The following ULK4 variants were observed in gnomAD, a reference collection of about 807,000 sequenced individuals.
ULK4 encodes inactive serine/threonine-protein kinase ULK4.
Under a neutral mutation model 160.6 loss-of-function variants are expected in ULK4, and 133 were observed. That is an observed-to-expected ratio of 0.83 (90% CI 0.72 to 0.96). ULK4 has a LOEUF of 0.96. ULK4 is among the 40% of genes least tolerant of loss of function. ULK4 has a pLI of 0.00. For synonymous variants in ULK4, 534 were observed against 539.8 expected, an observed-to-expected ratio of 0.99 and a Z score of 0.15; for missense variants, 1,580 against 1,499.5, an observed-to-expected ratio of 1.05 and a Z score of -0.89.
At chr3:41,265,665 T>C (rs1223399559) in intron 35 of ULK4, among the ~76,000 whole-genome samples, 3 of 152,194 alleles carry the variant, frequency 2.0e-5, no homozygotes, top group Non-Finnish European at 4.4e-5. Flanking sequence ...CGACTCCATT[T>C]GGAAACATTT....
At position 41,826,641 on chromosome 3, in the gene ULK4, G is replaced by A. The variant is rs542666589; in HGVS notation, c.1765-7135C>T. 5.4e-4 allele frequency among the ~76,000 whole-genome samples: 79 copies of A among 147,506 alleles called. No homozygotes were observed. The East Asian group carries it at 0.01, about 19-fold the overall frequency. On this transcript the variant is annotated intron_variant, in intron 18 of 36. Transcript: ENST00000301831. Reference sequence around the variant, plus strand: ...AAATACATATGCACCCAATACAGGAGCACCCAGATTCATAAAGCAAGTCCT... The same window carrying A: ...AAATACATATGCACCCAATACAGGAACACCCAGATTCATAAAGCAAGTCCT...
At chr3:41,575,431 A>G (rs2088155355) in intron 31 of ULK4, among the ~76,000 whole-genome samples, 1 of 152,100 alleles carries the variant, frequency 6.6e-6, no homozygotes. Flanking sequence ...GAGGGAGAAC[A>G]TTGAAGCATG....
At chr3:41,848,653 C>G (rs1316645711) in intron 17 of ULK4, among the ~76,000 whole-genome samples, 1 of 152,192 alleles carries the variant, frequency 6.6e-6, no homozygotes. Flanking sequence ...AGTGAAGGAA[C>G]AGCTGACGTT....
intron 12 of ULK4, among the ~76,000 whole-genome samples, chr3:41,903,361 G>A (rs1698438228): frequency 6.6e-6 from 1 of 152,124 alleles, no homozygotes; most frequent in African/African-American, 2.4e-5. Context: ...CAGGTGGGCG[G>A]ATCACCTGTG....
intron 12 of ULK4, among the ~76,000 whole-genome samples, chr3:41,907,270 CT>C (rs1421687361): frequency 6.7e-6 from 1 of 149,882 alleles, no homozygotes; most frequent in Non-Finnish European, 1.5e-5. Flanking sequence ...TCTGAATATG[CT>C]AAAGGTCCCT....
intron 17 of ULK4, among the ~76,000 whole-genome samples, chr3:41,845,051 C>T (rs567758856): frequency 5.9e-5 from 9 of 151,798 alleles, no homozygotes; most frequent in South Asian, 2.1e-4. Flanking sequence ...CTGCAAGCTC[C>T]GCTTCCCGGG....
intron 34 of ULK4, among the ~76,000 whole-genome samples, chr3:41,433,051 A>C (rs753990770): frequency 1.3e-5 from 2 of 152,200 alleles, no homozygotes; most frequent in Non-Finnish European, 2.9e-5. Context: ...AATACCTATA[A>C]AAATTAAAAA....
chr3:41,533,733 G>A (rs1418679822), intron 32 of ULK4, among the ~76,000 whole-genome samples: 5 of 152,152 alleles, frequency 3.3e-5, no homozygotes, highest in Admixed American at 2.0e-4. Flanking sequence ...GGAAAAGTTC[G>A]TCAGCCCCTG....
intron 30 of ULK4, among the ~76,000 whole-genome samples, chr3:41,626,368 T>C (rs986260760): frequency 6.6e-6 from 1 of 152,196 alleles, no homozygotes; most frequent in Non-Finnish European, 1.5e-5. Context: ...AAACTATGTA[T>C]TTAAATTAGG....
intron 35 of ULK4, among the ~76,000 whole-genome samples, chr3:41,386,149 T>C (rs986256541): frequency 6.9e-4 from 105 of 152,178 alleles, no homozygotes; most frequent in African/African-American, 2.4e-3. Flanking sequence ...CAATATACTA[T>C]TGCTGAACAA....
At chr3:41,510,914 C>A (rs948515105) in intron 32 of ULK4, among the ~76,000 whole-genome samples, 3 of 152,112 alleles carry the variant, frequency 2.0e-5, no homozygotes, top group Non-Finnish European at 2.9e-5. Context: ...GTAATCCCTG[C>A]ACTTTTGGGA....
At chr3:41,422,553 C>G (rs558012719) in intron 34 of ULK4, among the ~76,000 whole-genome samples, 1 of 151,646 alleles carries the variant, frequency 6.6e-6, no homozygotes, top group East Asian at 1.9e-4. Flanking sequence ...ACATTTAATG[C>G]CTTAATGTTA....
chr3:41,757,829 G>C (rs111297562), intron 21 of ULK4, among the ~76,000 whole-genome samples: 6,126 of 151,602 alleles, frequency 0.04, 377 homozygotes, highest in African/African-American at 0.14. Context: ...GATTTTTACC[G>C]TGTTAGCCAA....
chr3:41,512,100 G>A (rs6765878), intron 32 of ULK4, among the ~76,000 whole-genome samples: 127,709 of 152,068 alleles, frequency 0.84, 54,935 homozygotes, highest in Non-Finnish European at 0.94. Context: ...TAAAACCCTC[G>A]GCAAAACTGG....
chr3:41,275,723 C>T (rs536636526), intron 35 of ULK4, among the ~76,000 whole-genome samples: 1 of 152,358 alleles, frequency 6.6e-6, no homozygotes, highest in South Asian at 2.1e-4. Flanking sequence ...CATGATAGAA[C>T]AGCCCAGCTA....
chr3:41,455,428 A>G, intron 34 of ULK4, 69 bp downstream of exon 34: 1 of 1,396,600 alleles, frequency 7.2e-7, no homozygotes, highest in Non-Finnish European at 1.0e-6. Flanking sequence ...AACTCAAGAG[A>G]TCAGGAAATT....
intron 29 of ULK4, among the ~76,000 whole-genome samples, chr3:41,678,970 C>A (rs181565063): frequency 6.6e-6 from 1 of 152,168 alleles, no homozygotes; most frequent in Non-Finnish European, 1.5e-5. Flanking sequence ...CAAGAGTTAT[C>A]TTCAAAGATC....
chr3:41,705,802 T>C (rs1242984853), intron 25 of ULK4, among the ~76,000 whole-genome samples: 2 of 152,152 alleles, frequency 1.3e-5, no homozygotes, highest in Non-Finnish European at 1.5e-5. Flanking sequence ...AGATTTAATG[T>C]TGGAATAAAG....
intron 22 of ULK4, among the ~76,000 whole-genome samples, chr3:41,731,790 G>A (rs950995189): frequency 5.3e-5 from 8 of 151,260 alleles, no homozygotes; most frequent in African/African-American, 1.9e-4. Context: ...CAGACACACA[G>A]ACCAATGACA....
Sources: allele counts gnomAD v4.1 joint callset (sites outside exome capture counted in the v4.1 genomes callset), GRCh38; gene constraint gnomAD v4.1.1; transcripts MANE v1.5; gene names NCBI Gene and HGNC (gene_info 2026-07-23, HGNC 2026-07-21).